The following HS3ST5 variants were observed in gnomAD, a reference collection of about 807,000 sequenced individuals.
HS3ST5 encodes heparan sulfate glucosamine 3-O-sulfotransferase 5.
Under a neutral mutation model 25.4 loss-of-function variants are expected in HS3ST5, and 10 were observed. The observed-to-expected ratio is 0.39, with a 90% CI of 0.24 to 0.67. The LOEUF is 0.67. HS3ST5 is among the 30% of genes least tolerant of loss of function. The probability of loss-of-function intolerance (pLI) is 0.44; values close to 1 mark genes in which losing one functional copy is unlikely to be tolerated. For missense variants in HS3ST5, 324 were observed against 420.7 expected, an observed-to-expected ratio of 0.77 and a Z score of 2.01; for synonymous variants, 170 against 162.4, an observed-to-expected ratio of 1.05 and a Z score of -0.36.
At chr6:114,110,802 C>A (rs1388685504) in intron 3 of HS3ST5, among the ~76,000 whole-genome samples, 2 of 152,118 alleles carry the variant, frequency 1.3e-5, no homozygotes, top group East Asian at 3.8e-4. Flanking sequence ...CTTGTTTTTG[C>A]ATATTCTATA....
chr6:114,129,596 A>T (rs1475342236), intron 3 of HS3ST5, among the ~76,000 whole-genome samples: 1 of 152,214 alleles, frequency 6.6e-6, no homozygotes, highest in African/African-American at 2.4e-5. Context: ...GGGATGCCAA[A>T]CAAATGAAGC....
intron 2 of HS3ST5, among the ~76,000 whole-genome samples, chr6:114,216,576 A>G (rs1421647029): frequency 6.6e-6 from 1 of 152,130 alleles, no homozygotes; most frequent in Non-Finnish European, 1.5e-5. Context: ...TTTACTATCT[A>G]CAGGAAGTTG....
chr6:114,173,978 T>G (rs775846251), intron 2 of HS3ST5, among the ~76,000 whole-genome samples: 3 of 152,154 alleles, frequency 2.0e-5, no homozygotes, highest in African/African-American at 7.2e-5. Context: ...TGGATACCTA[T>G]AGGCACCTCA....
chr6:114,238,475 TA>T (rs1771959299), intron 1 of HS3ST5, among the ~76,000 whole-genome samples: 1 of 152,186 alleles, frequency 6.6e-6, no homozygotes, highest in Non-Finnish European at 1.5e-5. Context: ...TGTGTGTCTT[TA>T]AAAAGATTTT....
At chr6:114,329,242 T>C (rs1248339835) in intron 1 of HS3ST5, among the ~76,000 whole-genome samples, 1 of 152,218 alleles carries the variant, frequency 6.6e-6, no homozygotes, top group East Asian at 1.9e-4. Flanking sequence ...TTTTCACTGA[T>C]ATTCAACCAG....
At chr6:114,066,123 G>A (rs975512758) in intron 3 of HS3ST5, among the ~76,000 whole-genome samples, 1 of 152,192 alleles carries the variant, frequency 6.6e-6, no homozygotes, top group Non-Finnish European at 1.5e-5. Context: ...TTTGATTTGT[G>A]TTAGCTGCTT....
intron 2 of HS3ST5, among the ~76,000 whole-genome samples, chr6:114,177,360 T>C (rs539388497): frequency 3.2e-4 from 48 of 152,328 alleles, no homozygotes; most frequent in Admixed American, 2.1e-3. Context: ...TGCCACAGAA[T>C]GATAATCACT....
intron 1 of HS3ST5, among the ~76,000 whole-genome samples, chr6:114,314,332 T>C (rs998785807): frequency 6.6e-6 from 1 of 152,220 alleles, no homozygotes. Context: ...GACATCATAC[T>C]TTAACAACCA....
At chr6:114,084,675 C>T in intron 3 of HS3ST5, 1 of 1,237,848 alleles carries the variant, frequency 8.1e-7, no homozygotes, top group Non-Finnish European at 1.2e-6. Flanking sequence ...GCCCTGGGGT[C>T]AGTAACCACA....
intron 3 of HS3ST5, among the ~76,000 whole-genome samples, chr6:114,162,800 T>A (rs1448012719): frequency 6.6e-6 from 1 of 152,206 alleles, no homozygotes; most frequent in Non-Finnish European, 1.5e-5. Context: ...CTGGAGTCCT[T>A]CTGACCACTT....
At chr6:114,177,512 C>T (rs1412162403) in intron 2 of HS3ST5, among the ~76,000 whole-genome samples, 1 of 152,162 alleles carries the variant, frequency 6.6e-6, no homozygotes, top group African/African-American at 2.4e-5. Flanking sequence ...ATCCAACTCT[C>T]AGAAGGCAAT....
chr6:114,299,065 T>C (rs1186451377), intron 1 of HS3ST5, among the ~76,000 whole-genome samples: 1 of 152,218 alleles, frequency 6.6e-6, no homozygotes, highest in Non-Finnish European at 1.5e-5. Context: ...ATATTTCTCT[T>C]CTTTCAAAAG....
chr6:114,083,741 A>C (rs377596287), intron 3 of HS3ST5, among the ~76,000 whole-genome samples: 1 of 152,176 alleles, frequency 6.6e-6, no homozygotes. Context: ...ATCTTTTAAA[A>C]ATTTGGGGAA....
Position 114,342,201 on chromosome 6 carries a change from C to T in HS3ST5, c.-345G>A, listed in dbSNP as rs1307997647. Reference sequence around the variant, plus strand: ...GGCAGCGCGCCTTGCTCACCGTGGTCCCCGGCGGTGGCGGCGCGGGCGGGA... The same window carrying T: ...GGCAGCGCGCCTTGCTCACCGTGGTTCCCGGCGGTGGCGGCGCGGGCGGGA... On this transcript the variant is annotated 5_prime_UTR_variant, in exon 1 of 5. Transcript: ENST00000312719. The T allele has an allele frequency of 6.5e-6, 1 of 152,752 alleles. No individual in the cohort carries two copies. The highest frequency in any genetic ancestry group is 2.4e-5 in the African/African-American group (1 of 41,432). 9.5% of individuals were successfully genotyped at this position (152,752 alleles called of 1,614,324 possible). A position where few individuals can be genotyped will look rare whatever the true frequency, so the allele number is the denominator to read the frequency against.
chr6:114,182,901 C>T (rs1780037244), intron 2 of HS3ST5, among the ~76,000 whole-genome samples: 1 of 152,166 alleles, frequency 6.6e-6, no homozygotes, highest in Non-Finnish European at 1.5e-5. Flanking sequence ...TGTGGGTTAA[C>T]ATTATCCAAT....
intron 1 of HS3ST5, among the ~76,000 whole-genome samples, chr6:114,337,743 C>A (rs994078267): frequency 6.6e-6 from 1 of 151,988 alleles, no homozygotes; most frequent in Non-Finnish European, 1.5e-5. Context: ...TGCTTTACAT[C>A]TAACTTGCTC....
intron 3 of HS3ST5, among the ~76,000 whole-genome samples, chr6:114,068,029 ATAAT>A (rs560950411): frequency 3.2e-4 from 49 of 152,364 alleles, no homozygotes; most frequent in Non-Finnish European, 5.3e-4. Context: ...AAAATGAAAC[ATAAT>A]TAATAGCTTC....
At chr6:114,199,833 G>A (rs1386553954) in intron 2 of HS3ST5, among the ~76,000 whole-genome samples, 1 of 152,140 alleles carries the variant, frequency 6.6e-6, no homozygotes, top group African/African-American at 2.4e-5. Context: ...AAAAAAGATA[G>A]CACCTCTATC....
At chr6:114,101,459 T>C (rs1775725909) in intron 3 of HS3ST5, among the ~76,000 whole-genome samples, 1 of 152,186 alleles carries the variant, frequency 6.6e-6, no homozygotes, top group African/African-American at 2.4e-5. Flanking sequence ...AAGAATGATG[T>C]AATTGAGGAC....
Sources: allele counts gnomAD v4.1 joint callset (sites outside exome capture counted in the v4.1 genomes callset), GRCh38; gene constraint gnomAD v4.1.1; transcripts MANE v1.5; gene names NCBI Gene and HGNC (gene_info 2026-07-23, HGNC 2026-07-21).